ZNF521: variants seen among roughly 807,000 people sequenced by gnomAD.
ZNF521 encodes the protein zinc finger protein 521.
Under a neutral mutation model 105.5 loss-of-function variants are expected in ZNF521, and 14 were observed. The ratio of observed to expected loss-of-function variants is 0.13; its 90% CI spans 0.09 to 0.21. ZNF521 has a LOEUF of 0.21. Ranked by LOEUF, ZNF521 falls within the 10% of genes least tolerant of loss-of-function variation. The probability of loss-of-function intolerance (pLI) is 1.00; values close to 1 mark genes in which losing one functional copy is unlikely to be tolerated. For synonymous variants in ZNF521, 635 were observed against 606.0 expected, an observed-to-expected ratio of 1.05 and a Z score of -0.70; for missense variants, 1,233 against 1,629.7, an observed-to-expected ratio of 0.76 and a Z score of 4.19.
At chr18:25,147,072 G>A (rs1267225666) in intron 5 of ZNF521, among the ~76,000 whole-genome samples, 1 of 152,058 alleles carries the variant, frequency 6.6e-6, no homozygotes, top group Non-Finnish European at 1.5e-5. Context: ...ACAGAGCAGG[G>A]CAAACATTTT....
At chr18:25,081,339 T>A (rs1458881758) in intron 7 of ZNF521, among the ~76,000 whole-genome samples, 2 of 152,228 alleles carry the variant, frequency 1.3e-5, no homozygotes, top group Non-Finnish European at 2.9e-5. Context: ...TGGTGCTCCC[T>A]CTTTTAATAG....
intron 5 of ZNF521, among the ~76,000 whole-genome samples, chr18:25,151,783 A>G (rs150132099): frequency 6.6e-6 from 1 of 152,206 alleles, no homozygotes; most frequent in Non-Finnish European, 1.5e-5. Flanking sequence ...CCCAGGATCC[A>G]GGTTTAAATA....
intron 3 of ZNF521, among the ~76,000 whole-genome samples, chr18:25,244,497 G>T (rs1233697648): frequency 2.0e-5 from 3 of 152,144 alleles, no homozygotes; most frequent in African/African-American, 7.2e-5. Context: ...AGCCAGAAAA[G>T]GTGCTATTCC....
intron 5 of ZNF521, among the ~76,000 whole-genome samples, chr18:25,174,739 A>G (rs1489215105): frequency 6.6e-6 from 1 of 152,152 alleles, no homozygotes; most frequent in Non-Finnish European, 1.5e-5. Context: ...GGCTCAGGAG[A>G]CTATAAACAA....
intron 5 of ZNF521, among the ~76,000 whole-genome samples, chr18:25,127,344 T>C (rs971443123): frequency 3.9e-5 from 6 of 151,968 alleles, no homozygotes; most frequent in African/African-American, 9.7e-5. Flanking sequence ...AGCAGAGTAA[T>C]AGCATTAATA....
intron 3 of ZNF521, among the ~76,000 whole-genome samples, chr18:25,230,184 C>T (rs1906443683): frequency 6.6e-6 from 1 of 152,152 alleles, no homozygotes; most frequent in South Asian, 2.1e-4. Flanking sequence ...AAGGAAATTA[C>T]ACAACACCCC....
At chr18:25,277,284 T>C (rs1032507634) in intron 3 of ZNF521, among the ~76,000 whole-genome samples, 4 of 152,130 alleles carry the variant, frequency 2.6e-5, no homozygotes, top group African/African-American at 9.7e-5. Context: ...ATATTATAAT[T>C]TTTCGATCTT....
intron 3 of ZNF521, among the ~76,000 whole-genome samples, chr18:25,278,889 G>A (rs1168380122): frequency 6.6e-6 from 1 of 152,100 alleles, no homozygotes; most frequent in Non-Finnish European, 1.5e-5. Flanking sequence ...TTGGCTTCAG[G>A]TACTTTATAA....
At chr18:25,205,381 T>A (rs570699218) in intron 4 of ZNF521, among the ~76,000 whole-genome samples, 1 of 152,248 alleles carries the variant, frequency 6.6e-6, no homozygotes, top group East Asian at 1.9e-4. Flanking sequence ...GTTTAAATAA[T>A]CACTCTTTCA....
intron 2 of ZNF521, among the ~76,000 whole-genome samples, chr18:25,342,498 G>C (rs1914259184): frequency 6.8e-6 from 1 of 146,746 alleles, no homozygotes; most frequent in Non-Finnish European, 1.5e-5. Flanking sequence ...GAGCCATCTT[G>C]GCTCACTGAA....
rs35790866 is a variant in ZNF521 at position 25,240,947 on chromosome 18, T to TA, written c.221-13251dup. 2.4e-3 allele frequency among the ~76,000 whole-genome samples: 282 copies of TA among 117,922 alleles called. 2 individuals are homozygous for TA. The highest frequency in any genetic ancestry group is 3.9e-3 in the Admixed American group (44 of 11,322). The allele number at this position is 117,922 out of a possible 152,430, so 77.4% of individuals were successfully genotyped here. A position where few individuals can be genotyped will look rare whatever the true frequency, so the allele number is the denominator to read the frequency against. On this transcript the variant is annotated intron_variant, in intron 3 of 7. Coordinates refer to ENST00000361524, the MANE Select transcript of ZNF521 (RefSeq NM_015461.3). ...GTGTCATATGCAATGAACCAGATAT[T>TA]AAAAAAAAAAAAAAAAAAAAAAGTT...
chr18:25,193,550 A>G (rs1015505942), intron 5 of ZNF521, among the ~76,000 whole-genome samples: 3 of 152,056 alleles, frequency 2.0e-5, no homozygotes, highest in Non-Finnish European at 2.9e-5. Context: ...TCTACTCAAG[A>G]AATAAAGAGA....
intron 3 of ZNF521, among the ~76,000 whole-genome samples, chr18:25,239,713 G>A (rs573148234): frequency 2.6e-4 from 40 of 152,238 alleles, no homozygotes; most frequent in East Asian, 5.8e-4. Context: ...TGCAACTTCC[G>A]GGGTTCAGAA....
chr18:25,340,527 T>C (rs545617729), intron 2 of ZNF521, among the ~76,000 whole-genome samples: 1 of 152,302 alleles, frequency 6.6e-6, no homozygotes, highest in South Asian at 2.1e-4. Flanking sequence ...TTGATTTTGT[T>C]CCATCAGCTA....
chr18:25,112,974 A>AT lies in ZNF521; in HGVS notation c.3659-20894dup, dbSNP rs75294711. On this transcript the variant is annotated intron_variant, in intron 5 of 7. Coordinates refer to ENST00000361524, the MANE Select transcript of ZNF521 (RefSeq NM_015461.3). ...CAGCCTTGACTGCTTAATTATGCAG[A>AT]TTTTTTTTGTACCCGCCTGCCTGTA... Among the ~76,000 whole-genome samples, 411 of 147,328 alleles carry AT rather than the reference A, an allele frequency of 2.8e-3. 11 individuals carry two copies. The East Asian group carries it at 0.065, about 23-fold the overall frequency.
chr18:25,290,037 A>G (rs1264064245), intron 3 of ZNF521, among the ~76,000 whole-genome samples: 2 of 152,208 alleles, frequency 1.3e-5, no homozygotes, highest in African/African-American at 4.8e-5. Context: ...GCTGCACACA[A>G]CTGAAATGTT....
At chr18:25,333,747 G>C (rs1052335063) in intron 2 of ZNF521, among the ~76,000 whole-genome samples, 2 of 152,136 alleles carry the variant, frequency 1.3e-5, no homozygotes, top group African/African-American at 2.4e-5. Flanking sequence ...AAGAAAACAG[G>C]GATAATTTCA....
At chr18:25,278,752 AATC>A (rs201319752) in intron 3 of ZNF521, among the ~76,000 whole-genome samples, 7,257 of 152,208 alleles carry the variant, frequency 0.048, 324 homozygotes, top group African/African-American at 0.1. Flanking sequence ...TTAAAAAAAA[AATC>A]TCTCTTTCTC....
At chr18:25,222,498 C>A (rs528902866) in intron 4 of ZNF521, among the ~76,000 whole-genome samples, 2 of 152,228 alleles carry the variant, frequency 1.3e-5, no homozygotes, top group East Asian at 3.9e-4. Context: ...AAACAATCTA[C>A]TAAGAAACAA....
Sources: allele counts gnomAD v4.1 joint callset (sites outside exome capture counted in the v4.1 genomes callset), GRCh38; gene constraint gnomAD v4.1.1; transcripts MANE v1.5; gene names NCBI Gene and HGNC (gene_info 2026-07-23, HGNC 2026-07-21).